RXFP1: variants seen among roughly 807,000 people sequenced by gnomAD.
RXFP1 encodes the protein relaxin receptor 1.
RXFP1 carries 73 observed loss-of-function variants against 89.8 expected under a neutral mutation model. The observed-to-expected ratio is 0.81, with a 90% CI of 0.67 to 0.99. The LOEUF is 0.99. Ranked by LOEUF, RXFP1 falls within the 50% of genes least tolerant of loss-of-function variation. The probability of loss-of-function intolerance (pLI) is 0.00; values close to 1 mark genes in which losing one functional copy is unlikely to be tolerated. For missense variants in RXFP1, 793 were observed against 895.5 expected (o/e 0.89, Z 1.46); for synonymous variants, 277 against 305.5 (o/e 0.91, Z 0.97).
rs568087945 is a variant in RXFP1, at chr4:158,523,635, G to C, written c.49+1610G>C. ...TCCTTCCACGCCTTCCCCAGGAAATGAGGGCATAAACATTTGCAGCAAAGT... is the reference window on the plus strand; with the variant it reads ...TCCTTCCACGCCTTCCCCAGGAAATCAGGGCATAAACATTTGCAGCAAAGT... On this transcript the variant is annotated intron_variant, in intron 1 of 17. Coordinates refer to ENST00000307765, the MANE Select transcript of RXFP1 (RefSeq NM_021634.4). Among the ~76,000 whole-genome samples, 5 of 152,288 alleles carry C rather than the reference G, an allele frequency of 3.3e-5. No individual in the cohort carries two copies. In the South Asian group the frequency reaches 6.2e-4, roughly 19 times the overall value.
At chr4:158,554,145 T>G (rs1750749152) in intron 1 of RXFP1, among the ~76,000 whole-genome samples, 1 of 152,056 alleles carries the variant, frequency 6.6e-6, no homozygotes, top group African/African-American at 2.4e-5. Context: ...AATCCCCAAT[T>G]AAGAACCACT....
intron 1 of RXFP1, among the ~76,000 whole-genome samples, chr4:158,549,120 T>A (rs1749373924): frequency 6.6e-6 from 1 of 151,846 alleles, no homozygotes; most frequent in Admixed American, 6.6e-5. Flanking sequence ...TTTCACATAG[T>A]CCCATATTTC....
At position 158,645,043 on chromosome 4, in the gene RXFP1, C is replaced by T; in HGVS notation, c.1250C>T (p.Ala417Val). The part of the protein sequence containing the change: ...IQRVFVWVVS[A>V]VTCFGNIFVI... ...AGAGTATTTGTCTGGGTTGTATCTG[C>T]AGTTACCTGCTTTGGAAACATTTTT... The change falls in exon 15 of 18, where the codon GCA becomes GTA. Residue 417 changes from alanine to valine, a missense_variant. By Grantham distance (64) the Ala-to-Val change is moderately conservative. Coordinates refer to ENST00000307765, the MANE Select transcript of RXFP1 (RefSeq NM_021634.4). 6.2e-7 allele frequency: 1 copy of T among 1,614,160 alleles called. No homozygotes were observed. Among genetic ancestry groups the T allele is most frequent in the South Asian group, 1.1e-5 (1 of 91,086 alleles).
intron 5 of RXFP1, 57 bp downstream of exon 5, chr4:158,605,196 T>G: frequency 9.9e-7 from 1 of 1,012,922 alleles, no homozygotes; most frequent in Non-Finnish European, 1.5e-6. Flanking sequence ...GGCCATGTCT[T>G]TTTCTTCCTA....
chr4:158,602,750 G>A (rs1305738549), intron 4 of RXFP1, among the ~76,000 whole-genome samples: 1 of 151,996 alleles, frequency 6.6e-6, no homozygotes, highest in Non-Finnish European at 1.5e-5. Flanking sequence ...ATGAATGAAT[G>A]AATGAACAAT....
At chr4:158,624,400 C>T (rs1345575732) in intron 9 of RXFP1, among the ~76,000 whole-genome samples, 1 of 151,966 alleles carries the variant, frequency 6.6e-6, no homozygotes, top group Non-Finnish European at 1.5e-5. Flanking sequence ...CACTAAGGGA[C>T]AAGTTGAGGG....
At chr4:158,578,225 C>T (rs1243549334) in intron 2 of RXFP1, among the ~76,000 whole-genome samples, 1 of 152,066 alleles carries the variant, frequency 6.6e-6, no homozygotes, top group Non-Finnish European at 1.5e-5. Flanking sequence ...CATATAATTC[C>T]ATTTGTTTTT....
chr4:158,644,802 T>C, intron 14 of RXFP1, 107 bp from the exon 15 acceptor site: 4 of 757,570 alleles, frequency 5.3e-6, no homozygotes, highest in Non-Finnish European at 8.6e-6. Context: ...CTCAATTTCA[T>C]CTTAAGACAT....
At chr4:158,584,711 C>G (rs1757973961) in intron 2 of RXFP1, among the ~76,000 whole-genome samples, 1 of 152,122 alleles carries the variant, frequency 6.6e-6, no homozygotes, top group Non-Finnish European at 1.5e-5. Context: ...ATCTGAGCCA[C>G]CTGGGGGGCT....
chr4:158,585,753 A>G (rs1758181623), intron 2 of RXFP1, among the ~76,000 whole-genome samples: 1 of 152,222 alleles, frequency 6.6e-6, no homozygotes, highest in Non-Finnish European at 1.5e-5. Context: ...TTTCTACTAT[A>G]CTCTCATAAA....
In RXFP1 at chr4:158,572,837, T is replaced by C; in HGVS notation, c.187+2T>C. On this transcript the variant is annotated splice_donor_variant, in intron 2 of 17. Coordinates refer to ENST00000307765, the MANE Select transcript of RXFP1 (RefSeq NM_021634.4). LOFTEE classifies it high-confidence loss of function. The stretch of plus-strand genomic sequence containing the variant: ...ATCAGGCCGATGAGGACAACTGTGG[T>C]GAGTGAAGCCCCTGCAGTCACGGTG... The C allele has an allele frequency of 6.2e-7, 1 of 1,613,944 alleles. No homozygotes were observed. Among genetic ancestry groups the C allele is most frequent in the Non-Finnish European group, 8.5e-7 (1 of 1,179,922 alleles).
At chr4:158,640,643 A>T (rs1770197596) in intron 14 of RXFP1, among the ~76,000 whole-genome samples, 2 of 152,154 alleles carry the variant, frequency 1.3e-5, no homozygotes, top group African/African-American at 4.8e-5. Flanking sequence ...CCCATGACCC[A>T]AACACCTCCT....
chr4:158,569,221 A>T (rs1754511535), intron 1 of RXFP1, among the ~76,000 whole-genome samples: 1 of 152,234 alleles, frequency 6.6e-6, no homozygotes, highest in Non-Finnish European at 1.5e-5. Flanking sequence ...TGAAAAGGCT[A>T]CCTACTGCAT....
Position 158,644,942 on chromosome 4 carries a change from A to G in RXFP1, c.1149A>G (p.Ala383=). The G allele has an allele frequency of 1.2e-6, 2 of 1,613,996 alleles. No individual in the cohort carries two copies. The highest frequency in any genetic ancestry group is 1.1e-5 in the South Asian group (1 of 91,076). The change falls in exon 15 of 18, where the codon GCA becomes GCG. Residue 383 remains alanine, a synonymous_variant. Coordinates refer to ENST00000307765, the MANE Select transcript of RXFP1 (RefSeq NM_021634.4). ...AGAAATTCCAGTACTGTGGGTATGC[A>G]CCACATGTTCGCAGCTGTAAACCAA... ...YFKKFQYCGY[A]PHVRSCKPNT...
chr4:158,586,135 C>G (rs928087231), intron 2 of RXFP1, among the ~76,000 whole-genome samples: 3 of 152,156 alleles, frequency 2.0e-5, no homozygotes, highest in African/African-American at 7.2e-5. Flanking sequence ...AGTGGAGAAG[C>G]CTGTAAATTT....
At chr4:158,646,511 A>G in intron 15 of RXFP1, 1 of 1,273,456 alleles carries the variant, frequency 7.9e-7, no homozygotes, top group Non-Finnish European at 1.0e-6. Context: ...TGGGTCTAGA[A>G]CAATAGACAA....
At chr4:158,564,828 T>C (rs962022937) in intron 1 of RXFP1, among the ~76,000 whole-genome samples, 1 of 152,270 alleles carries the variant, frequency 6.6e-6, no homozygotes, top group African/African-American at 2.4e-5. Context: ...GAATTATTGC[T>C]GTTCTTAAAG....
intron 8 of RXFP1, 47 bp from the exon 9 acceptor site, chr4:158,617,084 A>G: frequency 7.7e-7 from 1 of 1,296,448 alleles, no homozygotes; most frequent in Non-Finnish European, 1.1e-6. Context: ...ACCCAAGATG[A>G]GAAGAGAACC....
chr4:158,601,387 G>A (rs1303946106), intron 4 of RXFP1, among the ~76,000 whole-genome samples: 1 of 152,130 alleles, frequency 6.6e-6, no homozygotes, highest in Non-Finnish European at 1.5e-5. Flanking sequence ...GATGTTAGAT[G>A]TTTTTTCCAA....
Sources: allele counts gnomAD v4.1 joint callset (sites outside exome capture counted in the v4.1 genomes callset), GRCh38; gene constraint gnomAD v4.1.1; transcripts MANE v1.5; gene names NCBI Gene and HGNC (gene_info 2026-07-23, HGNC 2026-07-21).